LYRM4: variants seen among roughly 807,000 people sequenced by gnomAD.
LYRM4 encodes LYR motif containing 4, also known as LYR motif-containing protein 4.
In LYRM4, 9 loss-of-function variants were observed where a neutral mutation model predicts 11.7. The ratio of observed to expected loss-of-function variants is 0.77; its 90% CI spans 0.46 to 1.34. The LOEUF is 1.34. Among genes scored for constraint, LYRM4 ranks in the 40% most tolerant of loss-of-function variants. The pLI, the probability that LYRM4 is intolerant of heterozygous loss-of-function variation, is 0.00. For missense variants in LYRM4, 133 were observed against 112.5 expected, an observed-to-expected ratio of 1.18 and a Z score of -0.82; for synonymous variants, 42 against 40.4, an observed-to-expected ratio of 1.04 and a Z score of -0.15.
intron 2 of LYRM4, among the ~76,000 whole-genome samples, chr6:5,176,639 G>A (rs1484992114): frequency 6.6e-6 from 1 of 152,184 alleles, no homozygotes; most frequent in Non-Finnish European, 1.5e-5. Flanking sequence ...ATAAGTCTTG[G>A]CTGTTACTGA....
intron 1 of LYRM4, among the ~76,000 whole-genome samples, chr6:5,225,821 G>A (rs1762859258): frequency 6.6e-6 from 1 of 152,204 alleles, no homozygotes; most frequent in Non-Finnish European, 1.5e-5. Flanking sequence ...GGAAGTACAA[G>A]TTTATGTCCC....
intron 1 of LYRM4, among the ~76,000 whole-genome samples, chr6:5,244,867 G>A (rs1027037594): frequency 2.6e-5 from 4 of 151,510 alleles, no homozygotes; most frequent in African/African-American, 9.7e-5. Flanking sequence ...GACGGGGGTA[G>A]CTGAGTGTAG....
chr6:5,082,898 G>A, the LYRM4 span, among the ~76,000 whole-genome samples: 1 of 136,190 alleles, frequency 7.3e-6, no homozygotes. Flanking sequence ...GGCCCAGCAC[G>A]TTCTTCCTTG....
intron 1 of LYRM4, among the ~76,000 whole-genome samples, chr6:5,230,871 A>T (rs1225858585): frequency 6.6e-6 from 1 of 152,236 alleles, no homozygotes; most frequent in African/African-American, 2.4e-5. Flanking sequence ...CACGTCATCA[A>T]GGATGATGAA....
intron 1 of LYRM4, among the ~76,000 whole-genome samples, chr6:5,218,579 T>C (rs1254393885): frequency 1.3e-5 from 2 of 152,202 alleles, no homozygotes; most frequent in African/African-American, 2.4e-5. Flanking sequence ...GTACTTAGAA[T>C]GTAAGACACT....
intron 2 of LYRM4, among the ~76,000 whole-genome samples, chr6:5,135,872 T>C (rs2127618045): frequency 6.6e-6 from 1 of 152,312 alleles, no homozygotes; most frequent in East Asian, 1.9e-4. Flanking sequence ...CTTTTCATTT[T>C]CCTCCACTGA....
rs554722788 is a variant in LYRM4 at position 5,108,452 on chromosome 6, A to G, written c.*971T>C. On this transcript the variant is annotated 3_prime_UTR_variant, in exon 3 of 3. Coordinates refer to ENST00000330636, the MANE Select transcript of LYRM4 (RefSeq NM_020408.6). The stretch of plus-strand genomic sequence containing the variant: ...TACAAACAATATCTTTATTACCTGT[A>G]ATATACTTAAAGAGCAGGGGTCCCC... The G allele has an allele frequency of 3.9e-5, 38 of 976,802 alleles. No homozygotes were observed. The highest frequency in any genetic ancestry group is 3.1e-4 in the African/African-American group (18 of 57,222). The allele number at this position is 976,802 out of a possible 1,614,324, so 60.5% of individuals were successfully genotyped here. A position where few individuals can be genotyped will look rare whatever the true frequency, so the allele number is the denominator to read the frequency against.
intron 2 of LYRM4, among the ~76,000 whole-genome samples, chr6:5,116,106 G>A (rs1763107664): frequency 6.6e-6 from 1 of 152,176 alleles, no homozygotes; most frequent in East Asian, 1.9e-4. Flanking sequence ...TGGTTCTGAG[G>A]GTCTGTGCTC....
At chr6:5,209,665 C>G (rs1443289912) in intron 2 of LYRM4, among the ~76,000 whole-genome samples, 1 of 152,168 alleles carries the variant, frequency 6.6e-6, no homozygotes, top group Admixed American at 6.5e-5. Flanking sequence ...TCCATGGTAA[C>G]TCCCCATTTC....
Position 5,257,194 on chromosome 6 carries a change from C to T in LYRM4, c.86+3454G>A, listed in dbSNP as rs368372209. Among the ~76,000 whole-genome samples the T allele has an allele frequency of 2.8e-4, 43 of 152,228 alleles. No individual in the cohort carries two copies. The South Asian group carries it at 7.9e-3, about 28-fold the overall frequency. On this transcript the variant is annotated intron_variant, in intron 1 of 2. Coordinates refer to ENST00000330636, the MANE Select transcript of LYRM4 (RefSeq NM_020408.6). ...AGGGTAAAGTCCAGGGTCCTCAGCA[C>T]GGCCCCCAGGCCCTCAAATCAGTGG...
chr6:5,067,610 A>G, the LYRM4 span, among the ~76,000 whole-genome samples: 1 of 152,228 alleles, frequency 6.6e-6, no homozygotes, highest in Non-Finnish European at 1.5e-5. Context: ...CCTGTTGGTT[A>G]CATGGGCTAT....
the LYRM4 span, chr6:5,042,546 A>G: frequency 6.6e-5 from 10 of 152,642 alleles, no homozygotes; most frequent in Non-Finnish European, 1.3e-4. Flanking sequence ...ATTGCACACT[A>G]TCTTTGCAGA....
chr6:5,118,512 GA>G (rs1208486968), intron 2 of LYRM4, among the ~76,000 whole-genome samples: 13 of 152,264 alleles, frequency 8.5e-5, no homozygotes, highest in African/African-American at 3.1e-4. Flanking sequence ...AGGTAAGCAT[GA>G]CATCTGTGGC....
chr6:5,128,957 TTC>T (rs1763817970), intron 2 of LYRM4, among the ~76,000 whole-genome samples: 3 of 152,244 alleles, frequency 2.0e-5, no homozygotes, highest in African/African-American at 7.2e-5. Flanking sequence ...TCTCCAGAGC[TTC>T]TGATGTGCTC....
chr6:5,082,049 CCT>C, the LYRM4 span, among the ~76,000 whole-genome samples: 1 of 152,192 alleles, frequency 6.6e-6, no homozygotes, highest in Non-Finnish European at 1.5e-5. Context: ...TTTGCCAGTT[CCT>C]GAGTTTTCTT....
chr6:5,163,726 G>A (rs1758905481), intron 2 of LYRM4, among the ~76,000 whole-genome samples: 1 of 150,876 alleles, frequency 6.6e-6, no homozygotes, highest in Non-Finnish European at 1.5e-5. Context: ...CTATTCTCCT[G>A]CCTCAGCCTC....
intron 1 of LYRM4, among the ~76,000 whole-genome samples, 187 bp from the exon 2 acceptor site, chr6:5,216,925 T>C (rs997074120): frequency 6.6e-6 from 1 of 152,242 alleles, no homozygotes; most frequent in Non-Finnish European, 1.5e-5. Flanking sequence ...CAAACAGATT[T>C]AGGAAAATAA....
At chr6:5,238,863 T>C (rs1307753298) in intron 1 of LYRM4, among the ~76,000 whole-genome samples, 2 of 152,256 alleles carry the variant, frequency 1.3e-5, no homozygotes, top group African/African-American at 4.8e-5. Flanking sequence ...CAGTTATTCA[T>C]AGTCCGAGAC....
chr6:5,054,129 G>A, the LYRM4 span: 1 of 985,592 alleles, frequency 1.0e-6, no homozygotes, highest in Non-Finnish European at 1.2e-6. Flanking sequence ...CAGTCACCTG[G>A]CCATGACCAG....
Sources: gnomAD v4.1 joint callset for allele counts (sites outside exome capture counted in the v4.1 genomes callset) on GRCh38, gnomAD v4.1.1 for gene constraint, MANE v1.5 for transcripts, NCBI Gene and HGNC (gene_info 2026-07-23, HGNC 2026-07-21) for gene names.